The following GRM5 variants were observed in gnomAD, a reference collection of about 807,000 sequenced individuals.
The protein encoded by GRM5 is glutamate metabotropic receptor 5, also known as metabotropic glutamate receptor 5.
GRM5 carries 19 observed loss-of-function variants against 83.1 expected under a neutral mutation model. The ratio of observed to expected loss-of-function variants is 0.23; its 90% CI spans 0.16 to 0.34. The LOEUF (loss-of-function observed/expected upper bound fraction) is 0.34. GRM5 is among the 10% of genes least tolerant of loss of function. GRM5 has a pLI of 1.00. For synonymous variants in GRM5, 675 were observed against 633.6 expected, an observed-to-expected ratio of 1.07 and a Z score of -0.98; for missense variants, 1,160 against 1,588.3, an observed-to-expected ratio of 0.73 and a Z score of 4.58.
chr11:88,980,575 C>T (rs933050483), intron 2 of GRM5, among the ~76,000 whole-genome samples: 10 of 152,138 alleles, frequency 6.6e-5, no homozygotes, highest in African/African-American at 2.4e-4. Flanking sequence ...GTAATCCCAA[C>T]ACTTTGGGAG....
At chr11:89,008,433 T>C (rs1265564473) in intron 2 of GRM5, among the ~76,000 whole-genome samples, 1 of 152,168 alleles carries the variant, frequency 6.6e-6, no homozygotes, top group Non-Finnish European at 1.5e-5. Context: ...CAAAATTGTT[T>C]TACCACACAG....
At chr11:88,987,797 G>A (rs1365845558) in intron 2 of GRM5, among the ~76,000 whole-genome samples, 1 of 151,708 alleles carries the variant, frequency 6.6e-6, no homozygotes, top group Non-Finnish European at 1.5e-5. Flanking sequence ...GCAGCTGAGG[G>A]TCCTGTCTGT....
chr11:88,908,340 T>G (rs1945438173), intron 2 of GRM5, among the ~76,000 whole-genome samples: 1 of 152,124 alleles, frequency 6.6e-6, no homozygotes, highest in South Asian at 2.1e-4. Context: ...TTTTCTTACA[T>G]GATGGAAAAA....
chr11:88,935,267 T>G (rs1937853449), intron 2 of GRM5, among the ~76,000 whole-genome samples: 1 of 151,648 alleles, frequency 6.6e-6, no homozygotes, highest in Admixed American at 6.6e-5. Context: ...GTGACAAAAA[T>G]AAAAGGAATG....
chr11:88,794,514 A>G (rs1202323438), intron 3 of GRM5, among the ~76,000 whole-genome samples: 1 of 152,192 alleles, frequency 6.6e-6, no homozygotes, highest in Non-Finnish European at 1.5e-5. Flanking sequence ...TCTGTTAGAC[A>G]TTTAGAGGAT....
chr11:88,629,410 T>C (rs1223544793), intron 4 of GRM5, among the ~76,000 whole-genome samples: 3 of 152,158 alleles, frequency 2.0e-5, no homozygotes, highest in Non-Finnish European at 2.9e-5. Context: ...GTATAGTGTC[T>C]TCTCTCCTTG....
At chr11:88,724,304 C>T (rs1941622071) in intron 3 of GRM5, among the ~76,000 whole-genome samples, 1 of 152,132 alleles carries the variant, frequency 6.6e-6, no homozygotes, top group Non-Finnish European at 1.5e-5. Flanking sequence ...TTCTTCAGGT[C>T]TCCTCTGCAC....
At chr11:88,772,291 C>G in intron 3 of GRM5, among the ~76,000 whole-genome samples, 1 of 152,210 alleles carries the variant, frequency 6.6e-6, no homozygotes, top group South Asian at 2.1e-4. Flanking sequence ...CTCTGACCCT[C>G]AAATACACAT....
chr11:88,610,778 G>T (rs981330091), intron 4 of GRM5, among the ~76,000 whole-genome samples: 2 of 152,186 alleles, frequency 1.3e-5, no homozygotes. Context: ...GAAGATAGTG[G>T]ATATTCTTGT....
intron 4 of GRM5, among the ~76,000 whole-genome samples, chr11:88,643,951 T>G (rs1175437537): frequency 6.6e-6 from 1 of 152,188 alleles, no homozygotes; most frequent in Non-Finnish European, 1.5e-5. Flanking sequence ...AGAGAGATTG[T>G]AGACAACTCT....
chr11:88,660,727 C>G (rs903930864), intron 3 of GRM5, among the ~76,000 whole-genome samples: 4 of 152,156 alleles, frequency 2.6e-5, no homozygotes, highest in Non-Finnish European at 4.4e-5. Context: ...CTCACACATC[C>G]TGTTGATCGG....
At chr11:88,662,071 A>G (rs1295626877) in intron 3 of GRM5, among the ~76,000 whole-genome samples, 1 of 152,174 alleles carries the variant, frequency 6.6e-6, no homozygotes, top group Admixed American at 6.6e-5. Context: ...GAAGGGAAAA[A>G]GTCAGGAACT....
At chr11:88,955,105 C>T (rs946646600) in intron 2 of GRM5, among the ~76,000 whole-genome samples, 7 of 152,092 alleles carry the variant, frequency 4.6e-5, no homozygotes, top group African/African-American at 1.7e-4. Flanking sequence ...AACACAAAGC[C>T]AACAAGCAAG....
intron 2 of GRM5, among the ~76,000 whole-genome samples, chr11:89,024,192 G>A (rs920750818): frequency 2.0e-5 from 3 of 152,204 alleles, no homozygotes; most frequent in African/African-American, 7.2e-5. Flanking sequence ...CCAGCTTGGA[G>A]GACAGAGTGA....
At chr11:88,616,655 A>T (rs995403201) in intron 4 of GRM5, among the ~76,000 whole-genome samples, 1 of 152,162 alleles carries the variant, frequency 6.6e-6, no homozygotes, top group Non-Finnish European at 1.5e-5. Flanking sequence ...GAGTCCAAGT[A>T]TTCAGTTAAG....
At chr11:88,822,744 T>A (rs1044759317) in intron 3 of GRM5, among the ~76,000 whole-genome samples, 2 of 152,002 alleles carry the variant, frequency 1.3e-5, no homozygotes, top group African/African-American at 4.8e-5. Flanking sequence ...CTTGCCAAAC[T>A]TTTCAACCTT....
At chr11:88,560,235 G>T (rs1299290517) in intron 8 of GRM5, among the ~76,000 whole-genome samples, 6 of 152,226 alleles carry the variant, frequency 3.9e-5, no homozygotes, top group African/African-American at 7.2e-5. Context: ...TCTAAACAGG[G>T]TTTAAAACAC....
chr11:88,653,219 G>T lies in GRM5; in HGVS notation c.1096C>A (p.Arg366=). 5 of 1,612,530 alleles carry T rather than the reference G, an allele frequency of 3.1e-6. No homozygotes were observed. The highest frequency in any genetic ancestry group is 4.2e-6 in the Non-Finnish European group (5 of 1,178,966). ...QEFWQHRFQC[R]LEGFPQENSK... ...TTCTCCTGTGGAAACCCTTCCAGTC[G>T]GCACTGAAAACGATGCTGCCAAAAT... The change falls in exon 4 of 10, where the codon CGA becomes AGA. Residue 366 remains arginine (R), a synonymous_variant. Transcript: ENST00000305447.
chr11:88,973,787 AC>A, intron 2 of GRM5, among the ~76,000 whole-genome samples: 1 of 152,094 alleles, frequency 6.6e-6, no homozygotes, highest in Non-Finnish European at 1.5e-5. Flanking sequence ...CTTACTCTTA[AC>A]ATTTTTGAAA....
Sources: allele counts gnomAD v4.1 joint callset (sites outside exome capture counted in the v4.1 genomes callset), GRCh38; gene constraint gnomAD v4.1.1; transcripts MANE v1.5; gene names NCBI Gene and HGNC (gene_info 2026-07-23, HGNC 2026-07-21).